The following KCNH1 variants were observed in gnomAD, a reference collection of about 807,000 sequenced individuals.
The protein encoded by KCNH1 is potassium voltage-gated channel subfamily H member 1.
In KCNH1, 27 loss-of-function variants were observed where a neutral mutation model predicts 69.2. The ratio of observed to expected loss-of-function variants is 0.39; its 90% CI spans 0.29 to 0.54. KCNH1 has a LOEUF of 0.54. KCNH1 is among the 20% of genes least tolerant of loss of function. KCNH1 has a pLI of 0.68. For synonymous variants in KCNH1, 456 were observed against 487.7 expected, an observed-to-expected ratio of 0.93 and a Z score of 0.86; for missense variants, 798 against 1,261.6, an observed-to-expected ratio of 0.63 and a Z score of 5.57.
At chr1:211,025,389 C>G (rs1024356747) in intron 5 of KCNH1, among the ~76,000 whole-genome samples, 3 of 152,112 alleles carry the variant, frequency 2.0e-5, no homozygotes, top group Non-Finnish European at 4.4e-5. Context: ...GGTAGAGGAA[C>G]ACTTTCCACC....
intron 6 of KCNH1, among the ~76,000 whole-genome samples, chr1:210,946,284 C>G (rs937323287): frequency 6.6e-6 from 1 of 152,062 alleles, no homozygotes; most frequent in Non-Finnish European, 1.5e-5. Context: ...GAAAACAGCC[C>G]CAGGATACCC....
At chr1:210,825,302 A>G (rs780896900) in intron 7 of KCNH1, among the ~76,000 whole-genome samples, 3 of 152,230 alleles carry the variant, frequency 2.0e-5, no homozygotes, top group Non-Finnish European at 4.4e-5. Context: ...GTGCTGGTCT[A>G]TAGTTCTCAT....
At chr1:210,794,608 AC>A (rs1446341071) in intron 9 of KCNH1, among the ~76,000 whole-genome samples, 3 of 152,076 alleles carry the variant, frequency 2.0e-5, no homozygotes, top group Non-Finnish European at 4.4e-5. Context: ...TGTCTTCCCC[AC>A]CCCTCTTCAG....
intron 7 of KCNH1, among the ~76,000 whole-genome samples, chr1:210,865,891 G>T (rs1686096912): frequency 6.6e-6 from 1 of 152,156 alleles, no homozygotes; most frequent in Non-Finnish European, 1.5e-5. Flanking sequence ...TTCCCATTTT[G>T]ATCCTTATTG....
At chr1:210,951,337 T>A (rs748658197) in intron 6 of KCNH1, among the ~76,000 whole-genome samples, 1 of 152,158 alleles carries the variant, frequency 6.6e-6, no homozygotes, top group Non-Finnish European at 1.5e-5. Flanking sequence ...TTGTAAAGCA[T>A]AAGATCCAGA....
intron 7 of KCNH1, among the ~76,000 whole-genome samples, chr1:210,904,033 T>C (rs925349828): frequency 2.0e-5 from 3 of 152,192 alleles, no homozygotes; most frequent in Non-Finnish European, 4.4e-5. Context: ...GTAGTTCTCC[T>C]GTTCTGCAAT....
intron 7 of KCNH1, among the ~76,000 whole-genome samples, chr1:210,853,946 C>CAAAAAACAA: frequency 1.6e-5 from 1 of 61,534 alleles, no homozygotes; most frequent in Non-Finnish European, 2.7e-5. Flanking sequence ...TTATCTAAGC[C>CAAAAAACAA]AAAAAAAAAA....
intron 10 of KCNH1, among the ~76,000 whole-genome samples, chr1:210,701,919 G>A (rs1178390660): frequency 6.6e-5 from 10 of 151,894 alleles, no homozygotes; most frequent in Admixed American, 1.3e-4. Flanking sequence ...TCCTCTAGTC[G>A]TTCTTCAGGA....
intron 7 of KCNH1, among the ~76,000 whole-genome samples, chr1:210,896,928 C>T (rs1364942864): frequency 6.6e-6 from 1 of 152,180 alleles, no homozygotes. Context: ...GAATAGGAAC[C>T]TCCTGATAGC....
At chr1:210,977,998 T>C (rs1294955641) in intron 6 of KCNH1, among the ~76,000 whole-genome samples, 1 of 152,154 alleles carries the variant, frequency 6.6e-6, no homozygotes, top group African/African-American at 2.4e-5. Context: ...TTATAATTTC[T>C]AGCTCCTTAC....
chr1:210,928,910 T>C (rs936064824), intron 6 of KCNH1, among the ~76,000 whole-genome samples: 1 of 152,102 alleles, frequency 6.6e-6, no homozygotes, highest in African/African-American at 2.4e-5. Flanking sequence ...AACCTTTATG[T>C]GCATAAACTA....
chr1:210,858,177 T>G (rs2102476876), intron 7 of KCNH1: 1 of 152,356 alleles, frequency 6.6e-6, no homozygotes, highest in Non-Finnish European at 1.5e-5. Context: ...TTAGCCATAC[T>G]CTTAGATCAA....
intron 1 of KCNH1, among the ~76,000 whole-genome samples, chr1:211,123,913 A>G (rs954926837): frequency 1.3e-5 from 2 of 152,036 alleles, no homozygotes; most frequent in African/African-American, 2.4e-5. Context: ...GACACGTGAG[A>G]GGTAGGGATT....
intron 7 of KCNH1, among the ~76,000 whole-genome samples, chr1:210,882,428 ATC>A (rs2102510244): frequency 6.6e-6 from 1 of 152,254 alleles, no homozygotes; most frequent in African/African-American, 2.4e-5. Context: ...TCTAGATAGA[ATC>A]ACCTTATCCC....
At chr1:210,861,816 A>C in intron 7 of KCNH1, 1 of 761,242 alleles carries the variant, frequency 1.3e-6, no homozygotes, top group Admixed American at 1.8e-5. Context: ...TATACTCATA[A>C]GTTTTCACAA....
At chr1:210,783,626 G>T in intron 9 of KCNH1, among the ~76,000 whole-genome samples, 1 of 152,166 alleles carries the variant, frequency 6.6e-6, no homozygotes, top group East Asian at 1.9e-4. Context: ...CTCCTGGCAG[G>T]AATAAGGATG....
intron 5 of KCNH1, 43 bp from the exon 6 acceptor site, chr1:211,019,299 T>A: frequency 1.6e-6 from 2 of 1,260,202 alleles, no homozygotes; most frequent in Non-Finnish European, 2.2e-6. Flanking sequence ...AGTTAGGATT[T>A]AATTGCAAGT....
At chr1:210,959,480 A>G (rs529388054) in intron 6 of KCNH1, among the ~76,000 whole-genome samples, 136 of 152,232 alleles carry the variant, frequency 8.9e-4, no homozygotes, top group Non-Finnish European at 1.7e-3. Context: ...TTAAGTCTGC[A>G]GAAGTTGTCT....
intron 1 of KCNH1, among the ~76,000 whole-genome samples, chr1:211,123,871 A>T (rs769443195): frequency 1.3e-5 from 2 of 152,070 alleles, no homozygotes; most frequent in Non-Finnish European, 2.9e-5. Flanking sequence ...GAAGAAGAAA[A>T]CCAGGAAACC....
Sources: gnomAD v4.1 joint callset for allele counts (sites outside exome capture counted in the v4.1 genomes callset) on GRCh38, gnomAD v4.1.1 for gene constraint, MANE v1.5 for transcripts, NCBI Gene and HGNC (gene_info 2026-07-23, HGNC 2026-07-21) for gene names.